MARF1: variants seen among roughly 807,000 people sequenced by gnomAD.
MARF1 encodes the protein limkain-b1.
A neutral mutation model predicts 168.2 loss-of-function variants in MARF1; 24 were observed. The ratio of observed to expected loss-of-function variants is 0.14; its 90% CI spans 0.10 to 0.20. The LOEUF is 0.20. Ranked by LOEUF, MARF1 falls within the 10% of genes least tolerant of loss-of-function variation. The pLI is 1.00. For missense variants in MARF1, 1,744 were observed against 2,143.6 expected, an observed-to-expected ratio of 0.81 and a Z score of 3.68; for synonymous variants, 868 against 822.4, an observed-to-expected ratio of 1.06 and a Z score of -0.95.
In MARF1 at chr16:15,598,757, G is replaced by A. The variant is rs1288014854; in HGVS notation, c.4984+97C>T. ...AGTGTTTTCCACCTGAAAAGGGGTA[G>A]TCCCTTCCCACCTCCGTCATTTACT... On this transcript the variant is annotated intron_variant, in intron 26 of 26. Coordinates refer to ENST00000396368, the MANE Select transcript of MARF1 (RefSeq NM_014647.4). 5.8e-6 allele frequency: 7 copies of A among 1,213,058 alleles called. No individual in the cohort carries two copies. The East Asian group carries it at 1.7e-4, about 29-fold the overall frequency. The allele number at this position is 1,213,058 out of a possible 1,614,324, so 75.1% of individuals were successfully genotyped here. A position where few individuals can be genotyped will look rare whatever the true frequency, so the allele number is the denominator to read the frequency against.
rs758958824 is a variant in MARF1, at chr16:15,602,483, G to GAAGACGAAGAC, written c.4414-291_4414-281dup. The GAAGACGAAGAC allele has an allele frequency of 1.2e-4, 70 of 565,454 alleles. 1 individual carries two copies. Among genetic ancestry groups the GAAGACGAAGAC allele is most frequent in the East Asian group, 8.8e-4 (26 of 29,598 alleles). 35.0% of individuals were successfully genotyped at this position (565,454 alleles called of 1,614,324 possible). On this transcript the variant is annotated intron_variant, in intron 22 of 26. Transcript: ENST00000396368. ...CGACAAAGATGAAGACAAAGAACAA[G>GAAGACGAAGAC]AAGACGAAGACAAGACGAAGACGAC...
Position 15,611,738 on chromosome 16 carries a change from CA to C in MARF1, c.3475-5del. ...GTTTGGAGCCCATTCCAAGAATCTG[CA>C]AAGCAAATAGTTTATTTATACACAT... On this transcript the variant is annotated splice_polypyrimidine_tract_variant and splice_region_variant and intron_variant, in intron 17 of 26. Coordinates refer to ENST00000396368, the MANE Select transcript of MARF1 (RefSeq NM_014647.4). The C allele has an allele frequency of 6.2e-7, 1 of 1,613,638 alleles. No homozygotes were observed. Among genetic ancestry groups the C allele is most frequent in the Non-Finnish European group, 8.5e-7 (1 of 1,179,800 alleles).
chr16:15,642,686 C>T (rs1282138648), intron 1 of MARF1, among the ~76,000 whole-genome samples: 1 of 152,134 alleles, frequency 6.6e-6, no homozygotes, highest in Non-Finnish European at 1.5e-5. Context: ...GCAAAAACAC[C>T]CGCCCCTTTC....
intron 13 of MARF1, 97 bp from the exon 14 acceptor site, chr16:15,617,632 G>C (rs2034166375): frequency 3.8e-6 from 3 of 793,482 alleles, no homozygotes; most frequent in African/African-American, 1.7e-5. Context: ...AACCAAGAAT[G>C]GTTCCTCCAT....
chr16:15,597,270 C>G (rs1261705974), intron 26 of MARF1, among the ~76,000 whole-genome samples: 2 of 152,176 alleles, frequency 1.3e-5, no homozygotes, highest in African/African-American at 4.8e-5. Context: ...TATTAAGGAC[C>G]CATAAAGCTA....
chr16:15,623,494 T>A (rs2034618052), intron 10 of MARF1, among the ~76,000 whole-genome samples: 1 of 152,066 alleles, frequency 6.6e-6, no homozygotes, highest in Admixed American at 6.5e-5. Flanking sequence ...TTGGCCAGGC[T>A]GGTCTTAAAC....
chr16:15,618,244 C>T (rs1204052124), intron 13 of MARF1, among the ~76,000 whole-genome samples: 1 of 152,200 alleles, frequency 6.6e-6, no homozygotes, highest in Non-Finnish European at 1.5e-5. Context: ...GTTCCCTGGT[C>T]TTCTCACTGT....
chr16:15,619,011 C>T (rs972756266), intron 13 of MARF1, among the ~76,000 whole-genome samples: 5 of 152,326 alleles, frequency 3.3e-5, no homozygotes, highest in South Asian at 2.1e-4. Context: ...CGTGGTGGCC[C>T]GTGCCTGTAA....
At chr16:15,601,555 A>T (rs2151030983) in intron 23 of MARF1, 1 of 255,758 alleles carries the variant, frequency 3.9e-6, no homozygotes, top group East Asian at 9.1e-5. Context: ...TGCTCATGTC[A>T]TCATCCCCTT....
At chr16:15,639,388 T>C (rs933432359) in intron 1 of MARF1, 97 bp from the exon 2 acceptor site, 1 of 789,854 alleles carries the variant, frequency 1.3e-6, no homozygotes, top group Non-Finnish European at 2.0e-6. Context: ...TTTACAGTCC[T>C]ATGGCTCTCA....
rs375289823 is a variant in MARF1, at chr16:15,604,159, C to T, written c.4413+9G>A. ...AATGATAGTTCTAAAGAGCCATTAACGTGCCTACCTCAACCAAGTATGGCA... is the reference window on the plus strand; with the variant it reads ...AATGATAGTTCTAAAGAGCCATTAATGTGCCTACCTCAACCAAGTATGGCA... On this transcript the variant is annotated intron_variant, in intron 22 of 26. Coordinates refer to ENST00000396368, the MANE Select transcript of MARF1 (RefSeq NM_014647.4). 8.8e-6 allele frequency: 14 copies of T among 1,588,618 alleles called. No individual in the cohort carries two copies. The highest frequency in any genetic ancestry group is 8.1e-5 in the African/African-American group (6 of 74,378).
At chr16:15,621,543 C>T in intron 12 of MARF1, 190 bp downstream of exon 12, 2 of 594,628 alleles carry the variant, frequency 3.4e-6, no homozygotes, top group Non-Finnish European at 2.9e-6. Flanking sequence ...AGCTGTATTC[C>T]AGCTTTGATT....
intron 15 of MARF1, among the ~76,000 whole-genome samples, chr16:15,616,468 A>T (rs1197937702): frequency 1.7e-4 from 26 of 152,122 alleles, no homozygotes; most frequent in Admixed American, 1.7e-3. Flanking sequence ...AGCACTTATG[A>T]TACATCTCCC....
chr16:15,624,122 G>C (rs117419048), intron 10 of MARF1, among the ~76,000 whole-genome samples: 2 of 151,544 alleles, frequency 1.3e-5, no homozygotes, highest in Non-Finnish European at 2.9e-5. Flanking sequence ...CGTGTTAGCC[G>C]GTTAGCCAGG....
intron 26 of MARF1, 74 bp downstream of exon 26, chr16:15,598,780 A>T: frequency 1.4e-6 from 2 of 1,418,538 alleles, no homozygotes; most frequent in Non-Finnish European, 2.0e-6. Context: ...TCCGTCATTT[A>T]CTATATCAGT....
intron 1 of MARF1, among the ~76,000 whole-genome samples, chr16:15,639,937 T>G (rs571196746): frequency 1.3e-5 from 2 of 152,304 alleles, no homozygotes; most frequent in East Asian, 3.9e-4. Context: ...CCTTTCCACA[T>G]GTAACCATGT....
intron 16 of MARF1, among the ~76,000 whole-genome samples, chr16:15,614,196 G>C (rs975843506): frequency 6.6e-6 from 1 of 152,000 alleles, no homozygotes; most frequent in Non-Finnish European, 1.5e-5. Context: ...TAAAGACAGA[G>C]TTTCGGCCAG....
At chr16:15,628,788 C>T (rs952830919) in intron 7 of MARF1, among the ~76,000 whole-genome samples, 2 of 152,120 alleles carry the variant, frequency 1.3e-5, no homozygotes, top group African/African-American at 4.8e-5. Context: ...ACAAAATCTA[C>T]ACTTTTCCTA....
chr16:15,630,410 C>T lies in MARF1; in HGVS notation c.1446G>A (p.Leu482=), dbSNP rs369592158. ...TGATCAGCTCGTTAGCATGATGCAG[C>T]AGTGCTTCTGAGGCCTGGTTTTTAT... is the stretch of plus-strand genomic sequence containing the variant. ...LVHKNQASEA[L]LHHANELIRF... The change falls in exon 7 of 27, where the codon CTG becomes CTA. Residue 482 remains leucine (L), a synonymous_variant. Transcript: ENST00000396368. 9.9e-6 allele frequency: 16 copies of T among 1,613,952 alleles called. No individual in the cohort carries two copies. The African/African-American group carries it at 1.7e-4, about 18-fold the overall frequency.
Sources: allele counts gnomAD v4.1 joint callset (sites outside exome capture counted in the v4.1 genomes callset), GRCh38; gene constraint gnomAD v4.1.1; transcripts MANE v1.5; gene names NCBI Gene and HGNC (gene_info 2026-07-23, HGNC 2026-07-21).